The following KIF23 variants were observed in gnomAD, a reference collection of about 807,000 sequenced individuals.
KIF23 encodes kinesin family member 23.
In KIF23, 30 loss-of-function variants were observed where a neutral mutation model predicts 137.5. That is an observed-to-expected ratio of 0.22 (90% CI 0.16 to 0.30). KIF23 has a LOEUF of 0.30. Among genes scored for constraint, KIF23 ranks in the 10% least tolerant of loss-of-function variants. KIF23 has a pLI of 1.00. For missense variants in KIF23, 920 were observed against 1,194.3 expected (o/e 0.77, Z 3.38); for synonymous variants, 367 against 391.1 (o/e 0.94, Z 0.73).
At chr15:69,445,175 T>C (rs1433189776) in intron 20 of KIF23, 134 bp downstream of exon 20, 3 of 888,394 alleles carry the variant, frequency 3.4e-6, no homozygotes, top group East Asian at 5.4e-5. Context: ...ATAACCTTTT[T>C]GTTAGCAGAA....
rs749253762 is a variant in KIF23, at chr15:69,435,649, T to C, written c.1195-3T>C. 6.2e-7 allele frequency: 1 copy of C among 1,613,608 alleles called. No individual in the cohort carries two copies. Among genetic ancestry groups the C allele is most frequent in the South Asian group, 1.1e-5 (1 of 90,844 alleles). ...ACACATTTGGATATGAATGTCTTTG[T>C]AGATGGTTCCATATCGAGATTCAAA... On this transcript the variant is annotated splice_region_variant and splice_polypyrimidine_tract_variant and intron_variant, in intron 12 of 23. Coordinates refer to ENST00000679126, the MANE Select transcript of KIF23 (RefSeq NM_001367805.3).
intron 4 of KIF23, 53 bp downstream of exon 4, chr15:69,421,805 A>G: frequency 7.2e-7 from 1 of 1,388,824 alleles, no homozygotes; most frequent in Non-Finnish European, 1.0e-6. Flanking sequence ...TCCTCTTCTG[A>G]TAAAACTTTT....
chr15:69,434,412 G>A (rs541202630), intron 11 of KIF23: 34 of 369,858 alleles, frequency 9.2e-5, no homozygotes, highest in Non-Finnish European at 1.3e-4. Flanking sequence ...TTTAATAGCC[G>A]TTGCTTGCTT....
chr15:69,443,493 C>T (rs1271767595), intron 19 of KIF23: 1 of 151,524 alleles, frequency 6.6e-6, no homozygotes, highest in African/African-American at 2.4e-5. Context: ...CATGTGCTAT[C>T]GCACCTGGCT....
Position 69,414,450 on chromosome 15 carries a change from CG to C in KIF23, c.-15del. 6.3e-7 allele frequency: 1 copy of C among 1,586,470 alleles called. No individual in the cohort carries two copies. The highest frequency in any genetic ancestry group is 8.6e-7 in the Non-Finnish European group (1 of 1,166,866). On this transcript the variant is annotated 5_prime_UTR_variant, in exon 1 of 24. Transcript: ENST00000679126. ...CCGTCCCGCATGCGCGTTTGGGCGG[CG>C]TGGAGCCTGCTGCCATGAAGTCAGC...
intron 6 of KIF23, 68 bp downstream of exon 6, chr15:69,422,503 AC>A (rs1299017224): frequency 1.1e-6 from 1 of 873,184 alleles, no homozygotes. Flanking sequence ...GTTTGCCCAG[AC>A]ATGAGGAATG....
intron 19 of KIF23, among the ~76,000 whole-genome samples, chr15:69,443,343 T>G (rs1400388793): frequency 1.3e-4 from 17 of 129,970 alleles, no homozygotes; most frequent in African/African-American, 3.6e-4. Flanking sequence ...TTTTTTTTTT[T>G]TTTTTTTTTT....
At chr15:69,445,969 T>G (rs1289252376) in intron 20 of KIF23, 40 bp from the exon 21 acceptor site, 2 of 1,347,868 alleles carry the variant, frequency 1.5e-6, no homozygotes, top group South Asian at 1.2e-5. Flanking sequence ...TTCGTTTGGG[T>G]GTATCAATGT....
intron 3 of KIF23, among the ~76,000 whole-genome samples, chr15:69,420,345 AC>A (rs1164976926): frequency 6.6e-6 from 1 of 152,094 alleles, no homozygotes. Context: ...GAGAAGTTTC[AC>A]CTTCGGGCCT....
chr15:69,427,368 A>C (rs2140344525), intron 10 of KIF23: 2 of 455,430 alleles, frequency 4.4e-6, no homozygotes, highest in East Asian at 1.4e-4. Flanking sequence ...CCATTATTAT[A>C]GTTTTGGGAA....
In KIF23 at chr15:69,438,244, TCAGCTAA is replaced by T; in HGVS notation, c.1598-3_1601del. ...AAAACTTGACCTGTATGTTTTTGTTTCAGCTAATGCTTTTAAAGCTTTGTTACAAGAA... is the reference window on the plus strand; with the variant it reads ...AAAACTTGACCTGTATGTTTTTGTTTTGCTTTTAAAGCTTTGTTACAAGAA... On this transcript the variant is annotated splice_acceptor_variant and splice_polypyrimidine_tract_variant and coding_sequence_variant and intron_variant, in exon 16 of 24. Coordinates refer to ENST00000679126, the MANE Select transcript of KIF23 (RefSeq NM_001367805.3). LOFTEE classifies it high-confidence loss of function. 1 of 1,593,492 alleles carries T rather than the reference TCAGCTAA, an allele frequency of 6.3e-7. No individual in the cohort carries two copies.
At chr15:69,438,466 G>A in intron 16 of KIF23, 61 bp downstream of exon 16, 1 of 1,467,766 alleles carries the variant, frequency 6.8e-7, no homozygotes, top group Non-Finnish European at 9.1e-7. Context: ...GTTCTCTGAG[G>A]GAGATATTGT....
intron 11 of KIF23, chr15:69,435,034 G>C: frequency 1.7e-6 from 1 of 578,092 alleles, no homozygotes; most frequent in East Asian, 2.8e-5. Flanking sequence ...TCTCCCTGGT[G>C]TGGTCCCCAT....
In KIF23 at chr15:69,415,222, A is replaced by C. The variant is rs926231155; in HGVS notation, c.11+746A>C. On this transcript the variant is annotated intron_variant, in intron 1 of 23. Coordinates refer to ENST00000679126, the MANE Select transcript of KIF23 (RefSeq NM_001367805.3). ...GGCCGAAGTCAAAATCTTTAGATGA[A>C]AAAAATTATATATAAGAAATATACG... 6.0e-4 allele frequency among the ~76,000 whole-genome samples: 92 copies of C among 152,350 alleles called. 2 individuals carry two copies. Among genetic ancestry groups the C allele is most frequent in the Non-Finnish European group, 8.7e-4 (59 of 68,040 alleles).
At chr15:69,447,466 C>A (rs2057764245) in intron 23 of KIF23, among the ~76,000 whole-genome samples, 1 of 151,996 alleles carries the variant, frequency 6.6e-6, no homozygotes, top group Admixed American at 6.6e-5. Context: ...TTAATAAAAT[C>A]CCTTCTTTAC....
chr15:69,442,113 TATGTCTTTC>T (rs2057636473), intron 19 of KIF23, among the ~76,000 whole-genome samples: 1 of 152,196 alleles, frequency 6.6e-6, no homozygotes, highest in Non-Finnish European at 1.5e-5. Flanking sequence ...ATATCATGAT[TATGTCTTTC>T]ATCTCTTTTA....
rs764623875 is a variant in KIF23 at position 69,416,019 on chromosome 15, A to C, written c.37A>C (p.Thr13Pro). The change falls in exon 2 of 24, where the codon ACC becomes CCC. Residue 13 changes from threonine to proline, a missense_variant. Transcript: ENST00000679126. ...GAGAGCTAAGACACCCCGGAAACCT[A>C]CCGTGAAAAAAGGGTCCCAAACGAA... ...SARAKTPRKP[T>P]VKKGSQTNLK... is the part of the protein sequence containing the mutation. 1.9e-6 allele frequency: 3 copies of C among 1,580,234 alleles called. No homozygotes were observed. The highest frequency in any genetic ancestry group is 4.0e-5 in the Admixed American group (2 of 49,886).
intron 11 of KIF23, among the ~76,000 whole-genome samples, chr15:69,431,835 G>C (rs1659561486): frequency 6.6e-6 from 1 of 152,176 alleles, no homozygotes; most frequent in Non-Finnish European, 1.5e-5. Flanking sequence ...AGATAGTAAA[G>C]ACTTGAGTTT....
Position 69,438,231 on chromosome 15 carries a change from G to A in KIF23, c.1598-17G>A, listed in dbSNP as rs756840143. Reference sequence around the variant, plus strand: ...TTAGAACTGGTGTAAAACTTGACCTGTATGTTTTTGTTTCAGCTAATGCTT... The same window carrying A: ...TTAGAACTGGTGTAAAACTTGACCTATATGTTTTTGTTTCAGCTAATGCTT... On this transcript the variant is annotated splice_polypyrimidine_tract_variant and intron_variant, in intron 15 of 23. Coordinates refer to ENST00000679126, the MANE Select transcript of KIF23 (RefSeq NM_001367805.3). 2.5e-6 allele frequency: 4 copies of A among 1,586,678 alleles called. No homozygotes were observed. The highest frequency in any genetic ancestry group is 3.4e-6 in the Non-Finnish European group (4 of 1,170,678).
Sources: gnomAD v4.1 joint callset for allele counts (sites outside exome capture counted in the v4.1 genomes callset) on GRCh38, gnomAD v4.1.1 for gene constraint, MANE v1.5 for transcripts, NCBI Gene and HGNC (gene_info 2026-07-23, HGNC 2026-07-21) for gene names.